The following RBFOX1 variants were observed in gnomAD, a reference collection of about 807,000 sequenced individuals.
RBFOX1 encodes RNA binding protein fox-1 homolog 1.
RBFOX1 carries 8 observed loss-of-function variants against 57.7 expected under a neutral mutation model. The observed-to-expected ratio is 0.14, with a 90% CI of 0.08 to 0.25. RBFOX1 has a LOEUF of 0.25. RBFOX1 is among the 10% of genes least tolerant of loss of function. RBFOX1 has a pLI of 1.00. For synonymous variants in RBFOX1, 326 were observed against 222.4 expected, an observed-to-expected ratio of 1.47 and a Z score of -4.15; for missense variants, 611 against 548.5, an observed-to-expected ratio of 1.11 and a Z score of -1.14.
At chr16:5,432,645 G>T (rs1009881140) in intron 1 of RBFOX1, among the ~76,000 whole-genome samples, 4 of 147,520 alleles carry the variant, frequency 2.7e-5, no homozygotes, top group African/African-American at 1.0e-4. Context: ...CTTTTTTCTG[G>T]TATCAGAGAA....
chr16:7,251,208 T>C (rs1365505663), intron 4 of RBFOX1, among the ~76,000 whole-genome samples: 1 of 151,876 alleles, frequency 6.6e-6, no homozygotes, highest in Non-Finnish European at 1.5e-5. Flanking sequence ...CAAACTTCTA[T>C]TCCCTACTTC....
intron 2 of RBFOX1, among the ~76,000 whole-genome samples, chr16:5,570,383 G>A (rs527892391): frequency 2.6e-5 from 4 of 152,296 alleles, no homozygotes; most frequent in South Asian, 4.1e-4. Context: ...TTGAATAGGA[G>A]TTAGTGTATG....
intron 3 of RBFOX1, among the ~76,000 whole-genome samples, chr16:5,762,313 A>G (rs915520200): frequency 1.3e-5 from 2 of 151,468 alleles, no homozygotes; most frequent in Non-Finnish European, 2.9e-5. Context: ...GAAATAAGAC[A>G]TAATTTTTTC....
intron 2 of RBFOX1, among the ~76,000 whole-genome samples, chr16:6,602,308 A>C (rs2097862793): frequency 6.6e-6 from 1 of 152,014 alleles, no homozygotes; most frequent in Non-Finnish European, 1.5e-5. Context: ...TGATTTGCTA[A>C]AGTTTTTAAT....
chr16:5,579,150 AC>A (rs765439948), intron 2 of RBFOX1, among the ~76,000 whole-genome samples: 96 of 151,920 alleles, frequency 6.3e-4, no homozygotes, highest in Non-Finnish European at 1.3e-3. Flanking sequence ...GCCTGGCCAC[AC>A]CCCTAATTCT....
At chr16:6,867,627 C>T (rs2060167478) in intron 3 of RBFOX1, among the ~76,000 whole-genome samples, 1 of 151,986 alleles carries the variant, frequency 6.6e-6, no homozygotes, top group South Asian at 2.1e-4. Flanking sequence ...GCTCAGGCAG[C>T]AGGATCGCTT....
In RBFOX1 at chr16:6,098,223, C is replaced by G. The variant is rs574129179; in HGVS notation, c.-127+78231C>G. On this transcript the variant is annotated intron_variant, in intron 1 of 15. Coordinates refer to ENST00000550418, the MANE Select transcript of RBFOX1 (RefSeq NM_018723.4). ...AGGGCCTGTGTGACAGGCACTGGTA[C>G]CTTTATTTCACAGATGGAGAGGCAG... Among the ~76,000 whole-genome samples the G allele has an allele frequency of 1.3e-3, 192 of 152,318 alleles. 1 individual carries two copies. Among genetic ancestry groups the G allele is most frequent in the African/African-American group, 4.5e-3 (189 of 41,572 alleles).
chr16:6,282,175 A>G (rs2076445334), intron 1 of RBFOX1, among the ~76,000 whole-genome samples: 1 of 152,110 alleles, frequency 6.6e-6, no homozygotes, highest in Non-Finnish European at 1.5e-5. Context: ...GTTTCTTGGG[A>G]AAAATCCCAG....
intron 3 of RBFOX1, among the ~76,000 whole-genome samples, chr16:6,949,833 C>A (rs938816964): frequency 6.6e-6 from 1 of 151,992 alleles, no homozygotes; most frequent in Non-Finnish European, 1.5e-5. Flanking sequence ...CAGAACATCT[C>A]TTCACCCGGA....
rs71386513 is a variant in RBFOX1, at chr16:5,657,732, C to CTTTTTTTTTTTTT, written c.318+58775_318+58776insTTTTTTTTTTTTT. On this transcript the variant is annotated intron_variant, in intron 3 of 19. Transcript: ENST00000641259. Reference sequence around the variant, plus strand: ...TTTCTCTCTTTCTTTTGTTTCTTTTCTTTTCTTTTTTTTTTTTTGAGACAG... The same window carrying CTTTTTTTTTTTTT: ...TTTCTCTCTTTCTTTTGTTTCTTTTCTTTTTTTTTTTTTTTTTCTTTTTTTTTTTTTGAGACAG... 4.1e-5 allele frequency among the ~76,000 whole-genome samples: 4 copies of CTTTTTTTTTTTTT among 98,352 alleles called. 2 individuals are homozygous for CTTTTTTTTTTTTT. Among genetic ancestry groups the CTTTTTTTTTTTTT allele is most frequent in the Non-Finnish European group, 7.5e-5 (4 of 53,164 alleles). The allele number at this position is 98,352 out of a possible 152,430, so 64.5% of individuals were successfully genotyped here. A position where few individuals can be genotyped will look rare whatever the true frequency, so the allele number is the denominator to read the frequency against.
intron 3 of RBFOX1, among the ~76,000 whole-genome samples, chr16:5,626,607 T>G (rs950634933): frequency 6.6e-6 from 1 of 152,130 alleles, no homozygotes; most frequent in Non-Finnish European, 1.5e-5. Context: ...AAATCCTTTG[T>G]TTTCAGCCTC....
rs74770646 is a variant in RBFOX1, at chr16:5,676,503, T to A, written c.318+77542T>A. Among the ~76,000 whole-genome samples the A allele has an allele frequency of 9.0e-4, 137 of 152,308 alleles. 1 individual carries two copies. The highest frequency in any genetic ancestry group is 3.1e-3 in the African/African-American group (130 of 41,568). On this transcript the variant is annotated intron_variant, in intron 3 of 19. Transcript: ENST00000641259. The stretch of plus-strand genomic sequence containing the variant: ...CTCAACCTCTCTGAGATTCAGTTTT[T>A]CCATGTGCAAAATGCAGATAGCAAT...
chr16:6,982,174 T>A (rs1044845051), intron 3 of RBFOX1, among the ~76,000 whole-genome samples: 1 of 152,210 alleles, frequency 6.6e-6, no homozygotes, highest in Non-Finnish European at 1.5e-5. Context: ...TTGTGTATTC[T>A]CTGGCATCCA....
rs969834780 is a variant in RBFOX1 at position 6,069,850 on chromosome 16, A to G, written c.-127+49858A>G. Among the ~76,000 whole-genome samples, 7 of 152,016 alleles carry G rather than the reference A, an allele frequency of 4.6e-5. No individual in the cohort carries two copies. In the East Asian group the frequency reaches 1.2e-3, roughly 25 times the overall value. Reference sequence around the variant, plus strand: ...AAAAATGCAATAATTAGGCGAGTGTAGTGGTGCATGCCTGTAATCCCAGCT... The same window carrying G: ...AAAAATGCAATAATTAGGCGAGTGTGGTGGTGCATGCCTGTAATCCCAGCT... On this transcript the variant is annotated intron_variant, in intron 1 of 15. Transcript: ENST00000550418.
chr16:6,206,141 A>C (rs2097253876), intron 1 of RBFOX1, among the ~76,000 whole-genome samples: 1 of 152,150 alleles, frequency 6.6e-6, no homozygotes, highest in Admixed American at 6.6e-5. Context: ...ACTCAGGAAG[A>C]AAACTTCTTA....
intron 1 of RBFOX1, among the ~76,000 whole-genome samples, chr16:6,027,225 G>A (rs1277364900): frequency 1.3e-5 from 2 of 152,160 alleles, no homozygotes; most frequent in African/African-American, 4.8e-5. Context: ...CTTCCTGTGT[G>A]TCATTTCATT....
At chr16:5,351,960 C>T (rs550742185) in intron 1 of RBFOX1, among the ~76,000 whole-genome samples, 5 of 152,224 alleles carry the variant, frequency 3.3e-5, no homozygotes, top group East Asian at 1.9e-4. Flanking sequence ...CCCGCCACCA[C>T]GCTCGGCTAA....
chr16:5,757,702 C>T (rs531067540), intron 3 of RBFOX1, among the ~76,000 whole-genome samples: 3 of 152,218 alleles, frequency 2.0e-5, no homozygotes, highest in African/African-American at 4.8e-5. Context: ...TTAATTCTTA[C>T]AACAGTGCTA....
At chr16:6,272,979 G>A (rs1251478023) in intron 1 of RBFOX1, among the ~76,000 whole-genome samples, 3 of 152,128 alleles carry the variant, frequency 2.0e-5, no homozygotes, top group Admixed American at 6.5e-5. Flanking sequence ...GAAAAAAGAG[G>A]CCCGTTACAT....
Sources: gnomAD v4.1 joint callset for allele counts (sites outside exome capture counted in the v4.1 genomes callset) on GRCh38, gnomAD v4.1.1 for gene constraint, MANE v1.5 for transcripts, NCBI Gene and HGNC (gene_info 2026-07-23, HGNC 2026-07-21) for gene names.